TAFA1: variants seen among roughly 807,000 people sequenced by gnomAD.
TAFA1 encodes chemokine-like protein TAFA-1.
Under a neutral mutation model 18.5 loss-of-function variants are expected in TAFA1, and 4 were observed. That is an observed-to-expected ratio of 0.22 (90% CI 0.11 to 0.49). The LOEUF is 0.49. Among genes scored for constraint, TAFA1 ranks in the 20% least tolerant of loss-of-function variants. The pLI, the probability that TAFA1 is intolerant of heterozygous loss-of-function variation, is 0.98. For missense variants in TAFA1, 147 were observed against 169.0 expected, an observed-to-expected ratio of 0.87 and a Z score of 0.72; for synonymous variants, 56 against 55.2, an observed-to-expected ratio of 1.01 and a Z score of -0.06.
At chr3:68,483,688 C>T (rs1467413552) in intron 3 of TAFA1, among the ~76,000 whole-genome samples, 1 of 152,180 alleles carries the variant, frequency 6.6e-6, no homozygotes, top group East Asian at 1.9e-4. Context: ...AAAAATACCT[C>T]CCTGAAACAG....
In TAFA1 at chr3:68,525,798, C is replaced by T. The variant is rs113700024; in HGVS notation, c.260-12958C>T. Among the ~76,000 whole-genome samples, 394 of 152,174 alleles carry T rather than the reference C, an allele frequency of 2.6e-3. 4 individuals carry two copies. The highest frequency in any genetic ancestry group is 8.4e-3 in the African/African-American group (347 of 41,526). ...GCAAACCTGAAGATATCAGTCTCCC[C>T]TAGAGACTGCAAGAGCACAATGGTA... On this transcript the variant is annotated intron_variant, in intron 3 of 4. Coordinates refer to ENST00000478136, the MANE Select transcript of TAFA1 (RefSeq NM_213609.4).
intron 3 of TAFA1, among the ~76,000 whole-genome samples, chr3:68,448,257 G>A (rs758672639): frequency 6.6e-6 from 1 of 152,070 alleles, no homozygotes; most frequent in Non-Finnish European, 1.5e-5. Flanking sequence ...AATGCATAAA[G>A]CAAAAATATA....
chr3:68,103,161 G>A (rs1467965446), intron 2 of TAFA1, among the ~76,000 whole-genome samples: 1 of 152,220 alleles, frequency 6.6e-6, no homozygotes, highest in Non-Finnish European at 1.5e-5. Context: ...CAGAGGTGAG[G>A]ATGAGGGGAA....
At chr3:68,313,940 C>T (rs891314349) in intron 2 of TAFA1, among the ~76,000 whole-genome samples, 2 of 152,156 alleles carry the variant, frequency 1.3e-5, no homozygotes, top group East Asian at 1.9e-4. Flanking sequence ...ATATCCCTTA[C>T]ATGTTTGATT....
chr3:68,331,780 C>T (rs940197829), intron 2 of TAFA1, among the ~76,000 whole-genome samples: 1 of 151,452 alleles, frequency 6.6e-6, no homozygotes, highest in African/African-American at 2.4e-5. Flanking sequence ...AGAAGTAAAC[C>T]CATTCATATA....
intron 2 of TAFA1, among the ~76,000 whole-genome samples, chr3:68,132,147 T>C (rs2065547921): frequency 6.6e-6 from 1 of 152,202 alleles, no homozygotes. Context: ...TTTCTGTTTC[T>C]GTGTTAGTTT....
At chr3:68,471,188 A>T (rs964658675) in intron 3 of TAFA1, among the ~76,000 whole-genome samples, 7 of 152,190 alleles carry the variant, frequency 4.6e-5, no homozygotes, top group African/African-American at 1.7e-4. Flanking sequence ...ATTTCAGAGG[A>T]TGTATGGAAA....
At chr3:68,255,907 A>G (rs1402030070) in intron 2 of TAFA1, among the ~76,000 whole-genome samples, 1 of 152,130 alleles carries the variant, frequency 6.6e-6, no homozygotes, top group Non-Finnish European at 1.5e-5. Flanking sequence ...TTAACAGAAG[A>G]GAGGCTAATG....
At chr3:68,228,174 A>G (rs2066827213) in intron 2 of TAFA1, among the ~76,000 whole-genome samples, 1 of 152,246 alleles carries the variant, frequency 6.6e-6, no homozygotes, top group African/African-American at 2.4e-5. Flanking sequence ...CATGGAAAGC[A>G]TCATTACATC....
At chr3:68,227,366 TGGG>T (rs2066815219) in intron 2 of TAFA1, among the ~76,000 whole-genome samples, 1 of 152,174 alleles carries the variant, frequency 6.6e-6, no homozygotes, top group South Asian at 2.1e-4. Flanking sequence ...AATTATGGTT[TGGG>T]CTGTGTTGAG....
chr3:68,359,190 T>C (rs1296038388), intron 2 of TAFA1, among the ~76,000 whole-genome samples: 1 of 152,078 alleles, frequency 6.6e-6, no homozygotes, highest in Non-Finnish European at 1.5e-5. Context: ...GTTCTTCCAG[T>C]ATGCCCTATG....
chr3:68,327,850 T>C (rs2068801689), intron 2 of TAFA1, among the ~76,000 whole-genome samples: 1 of 152,218 alleles, frequency 6.6e-6, no homozygotes, highest in Non-Finnish European at 1.5e-5. Flanking sequence ...CTTACTTCAC[T>C]ATTAGTCTCC....
intron 2 of TAFA1, among the ~76,000 whole-genome samples, chr3:68,300,827 T>C (rs901748294): frequency 6.6e-6 from 1 of 152,174 alleles, no homozygotes; most frequent in Non-Finnish European, 1.5e-5. Flanking sequence ...CCTGCATTCA[T>C]TTCCCTTCCT....
In TAFA1 at chr3:68,410,109, G is replaced by A. The variant is rs566371449; in HGVS notation, c.119-7171G>A. On this transcript the variant is annotated intron_variant, in intron 2 of 4. Coordinates refer to ENST00000478136, the MANE Select transcript of TAFA1 (RefSeq NM_213609.4). ...TCTCCAGCTCAGAGTTGCTGCTGCC[G>A]GAAATAATCTTGAAATGCTATCTTT... Among the ~76,000 whole-genome samples the A allele has an allele frequency of 1.7e-4, 26 of 152,164 alleles. 1 individual carries two copies. In the South Asian group the frequency reaches 3.3e-3, roughly 19 times the overall value.
chr3:68,084,817 A>G (rs1047593651), intron 2 of TAFA1, among the ~76,000 whole-genome samples: 5 of 151,914 alleles, frequency 3.3e-5, no homozygotes, highest in African/African-American at 1.2e-4. Context: ...AAAAAACCAA[A>G]AAAACCAAAT....
chr3:68,192,491 C>A, intron 2 of TAFA1: 1 of 199,490 alleles, frequency 5.0e-6, no homozygotes, highest in South Asian at 1.1e-4. Flanking sequence ...GATGTGCCTT[C>A]ATCATCCCAT....
intron 3 of TAFA1, among the ~76,000 whole-genome samples, chr3:68,459,051 A>G (rs6765886): frequency 0.78 from 119,260 of 152,038 alleles, 47,265 homozygotes; most frequent in African/African-American, 0.91. Flanking sequence ...CACAGCGAGA[A>G]TTCTTCAGAG....
Position 68,214,430 on chromosome 3 carries a change from G to A in TAFA1, c.119-202850G>A, listed in dbSNP as rs146333455. On this transcript the variant is annotated intron_variant, in intron 2 of 4. Coordinates refer to ENST00000478136, the MANE Select transcript of TAFA1 (RefSeq NM_213609.4). ...CCATTCAATTTCTTAGGTACTATAAGGCCTTTCCCTTTGCACAAAATTTGG... is the reference window on the plus strand; with the variant it reads ...CCATTCAATTTCTTAGGTACTATAAAGCCTTTCCCTTTGCACAAAATTTGG... 1.6e-4 allele frequency among the ~76,000 whole-genome samples: 25 copies of A among 152,066 alleles called. No individual in the cohort carries two copies. The East Asian group carries it at 4.1e-3, about 25-fold the overall frequency.
intron 2 of TAFA1, among the ~76,000 whole-genome samples, chr3:68,032,108 C>A: frequency 6.6e-6 from 1 of 151,898 alleles, no homozygotes; most frequent in South Asian, 2.1e-4. Context: ...TTTTTTCAGA[C>A]CATTTTGGTT....
Sources: allele counts gnomAD v4.1 joint callset (sites outside exome capture counted in the v4.1 genomes callset), GRCh38; gene constraint gnomAD v4.1.1; transcripts MANE v1.5; gene names NCBI Gene and HGNC (gene_info 2026-07-23, HGNC 2026-07-21).